NCOA6: variants seen among roughly 807,000 people sequenced by gnomAD.
The protein encoded by NCOA6 is nuclear receptor coactivator 6.
NCOA6 carries 49 observed loss-of-function variants against 171.4 expected under a neutral mutation model. That is an observed-to-expected ratio of 0.29 (90% CI 0.23 to 0.36). The LOEUF (loss-of-function observed/expected upper bound fraction) is 0.36, where lower values mean the gene tolerates loss of function less well. Ranked by LOEUF, NCOA6 falls within the 10% of genes least tolerant of loss-of-function variation. NCOA6 has a pLI of 1.00. For synonymous variants in NCOA6, 910 were observed against 927.5 expected (o/e 0.98, Z 0.34); for missense variants, 2,248 against 2,554.5 (o/e 0.88, Z 2.59).
chr20:34,791,125 T>C (rs1334708415), intron 2 of NCOA6, among the ~76,000 whole-genome samples: 6 of 152,206 alleles, frequency 3.9e-5, no homozygotes, highest in Non-Finnish European at 5.9e-5. Context: ...TGTAGTACAA[T>C]GTGAATCTAC....
chr20:34,727,955 C>T (rs1990170055), intron 13 of NCOA6, among the ~76,000 whole-genome samples: 1 of 152,058 alleles, frequency 6.6e-6, no homozygotes, highest in Non-Finnish European at 1.5e-5. Flanking sequence ...AAACTCCTGA[C>T]CTCAAGTGAT....
rs1249208574 is a variant in NCOA6, at chr20:34,725,454, A to AG, written c.6148+1804_6148+1805insC. Among the ~76,000 whole-genome samples the AG allele has an allele frequency of 6.8e-4, 104 of 152,316 alleles. 2 individuals carry two copies. The highest frequency in any genetic ancestry group is 2.2e-3 in the African/African-American group (92 of 41,560). The stretch of plus-strand genomic sequence containing the variant: ...GAGCACTCCCTGCAGTAGCTGCAAC[A>AG]TATGCACAGGCTTGTGATCAGAGGA... On this transcript the variant is annotated intron_variant, in intron 14 of 14. Coordinates refer to ENST00000359003, the MANE Select transcript of NCOA6 (RefSeq NM_014071.5).
chr20:34,754,655 T>C (rs1600865448), intron 8 of NCOA6, 67 bp downstream of exon 8: 5 of 1,585,794 alleles, frequency 3.2e-6, no homozygotes, highest in Middle Eastern at 1.7e-4. Flanking sequence ...TGTATACTCC[T>C]GTTGTCTATC....
chr20:34,759,029 GTT>G (rs11476500), intron 5 of NCOA6, 96 bp from the exon 6 acceptor site: 4,093 of 1,054,616 alleles, frequency 3.9e-3, no homozygotes, highest in Middle Eastern at 5.6e-3. Flanking sequence ...TGGAAAATTT[GTT>G]TTTTTTTTTT....
At position 34,750,276 on chromosome 20, in the gene NCOA6, C is replaced by T. The variant is rs1486580634; in HGVS notation, c.1919G>A (p.Gly640Glu). The T allele has an allele frequency of 1.9e-6, 3 of 1,611,812 alleles. No homozygotes were observed. Among genetic ancestry groups the T allele is most frequent in the Non-Finnish European group, 1.7e-6 (2 of 1,178,558 alleles). Residue 640 changes from glycine (G) to glutamate (E), a missense_variant, in exon 9 of 15, where the codon GGA (glycine) becomes GAA (glutamate). Physicochemically the swap from Gly to Glu is moderately conservative, Grantham distance 98. Transcript: ENST00000359003. ...CATAGGGTTCTGAGGGTTCAAGGTT[C>T]CTTGTTGCTGGACCATCTGGCCCTG... ...PSQGQMVQQQGTLNPQNPMIL... is the reference protein window; with the variant it reads ...PSQGQMVQQQETLNPQNPMIL...
At chr20:34,755,899 G>C (rs2076627353) in intron 7 of NCOA6, among the ~76,000 whole-genome samples, 1 of 152,076 alleles carries the variant, frequency 6.6e-6, no homozygotes, top group Non-Finnish European at 1.5e-5. Flanking sequence ...ACCACACCCA[G>C]CTAATTTTTG....
intron 1 of NCOA6, among the ~76,000 whole-genome samples, chr20:34,797,608 C>T (rs2078118055): frequency 6.6e-6 from 1 of 151,864 alleles, no homozygotes; most frequent in African/African-American, 2.4e-5. Context: ...AGTAAAGGGG[C>T]CGGGTATGGT....
intron 1 of NCOA6, among the ~76,000 whole-genome samples, chr20:34,811,201 G>GTATGTATATA (rs1244311939): frequency 1.1e-4 from 6 of 53,834 alleles, no homozygotes; most frequent in African/African-American, 3.4e-4. Context: ...ACAACAACGT[G>GTATGTATATA]TATATATATA....
intron 1 of NCOA6, chr20:34,819,955 C>T (rs2078956253): frequency 6.6e-6 from 1 of 152,040 alleles, no homozygotes; most frequent in Non-Finnish European, 1.5e-5. Context: ...GAAAGCAAGC[C>T]CCATTCAATA....
At chr20:34,793,063 A>C (rs1460455137) in intron 1 of NCOA6, among the ~76,000 whole-genome samples, 1 of 152,102 alleles carries the variant, frequency 6.6e-6, no homozygotes, top group Admixed American at 6.6e-5. Context: ...GATTACAAGC[A>C]TGAGCCACTG....
intron 1 of NCOA6, among the ~76,000 whole-genome samples, chr20:34,795,161 G>T (rs990410253): frequency 1.3e-5 from 2 of 152,146 alleles, no homozygotes; most frequent in African/African-American, 4.8e-5. Context: ...AATGATTCAG[G>T]CAAGGACGAT....
At chr20:34,774,870 G>A (rs1447304110) in intron 4 of NCOA6, among the ~76,000 whole-genome samples, 3 of 152,182 alleles carry the variant, frequency 2.0e-5, no homozygotes, top group Non-Finnish European at 4.4e-5. Context: ...AGTCTATGGG[G>A]ATAAAACAAT....
chr20:34,823,700 C>CT (rs572203512), intron 1 of NCOA6, among the ~76,000 whole-genome samples: 127 of 146,232 alleles, frequency 8.7e-4, no homozygotes, highest in East Asian at 9.8e-4. Flanking sequence ...GAGCATCTCT[C>CT]TTTTTTTTTT....
At chr20:34,751,711 T>C (rs962857729) in intron 8 of NCOA6, among the ~76,000 whole-genome samples, 7 of 152,158 alleles carry the variant, frequency 4.6e-5, no homozygotes. Flanking sequence ...ATGTGGCACA[T>C]GTTTTAGTCT....
At chr20:34,779,731 A>G (rs762332068) in intron 3 of NCOA6, among the ~76,000 whole-genome samples, 3 of 152,158 alleles carry the variant, frequency 2.0e-5, no homozygotes, top group Non-Finnish European at 4.4e-5. Flanking sequence ...ATATCTAAGG[A>G]TAGAGGAAAG....
chr20:34,757,281 G>C lies in NCOA6; in HGVS notation c.1467C>G (p.Phe489Leu). Residue 489 changes from phenylalanine to leucine, a missense_variant, in exon 7 of 15, where the codon TTC (phenylalanine) becomes TTG (leucine). Transcript: ENST00000359003. ...MVQQGNVPPN[F>L]MVMQQQPPNQ... ...TTGGTGGTTGCTGCTGCATCACCAT[G>C]AAGTTAGGTGGCACATTTCCCTGTT... The C allele has an allele frequency of 6.2e-7, 1 of 1,613,034 alleles. No homozygotes were observed. The highest frequency in any genetic ancestry group is 8.5e-7 in the Non-Finnish European group (1 of 1,179,400).
In NCOA6 at chr20:34,741,770, CAAG is replaced by C; in HGVS notation, c.4483_4485del (p.Leu1495del). 1 of 1,614,154 alleles carries C rather than the reference CAAG, an allele frequency of 6.2e-7. No individual in the cohort carries two copies. Among genetic ancestry groups the C allele is most frequent in the Non-Finnish European group, 8.5e-7 (1 of 1,180,040 alleles). ...GTCACATTGGGAGCTCCAGAGTTGTCAAGAAGTTGACTTAACGATGTTGGTGCT... is the reference window on the plus strand; with the variant it reads ...GTCACATTGGGAGCTCCAGAGTTGTCAAGTTGACTTAACGATGTTGGTGCT... On this transcript the variant is annotated inframe_deletion, in exon 11 of 15. Transcript: ENST00000359003.
chr20:34,764,784 C>T (rs947519766), intron 5 of NCOA6, among the ~76,000 whole-genome samples: 1 of 151,906 alleles, frequency 6.6e-6, no homozygotes, highest in African/African-American at 2.4e-5. Context: ...GGAATCGCAC[C>T]TGGTTTTTTA....
At chr20:34,759,129 T>C (rs1423135384) in intron 5 of NCOA6, among the ~76,000 whole-genome samples, 196 bp from the exon 6 acceptor site, 1 of 152,040 alleles carries the variant, frequency 6.6e-6, no homozygotes, top group Non-Finnish European at 1.5e-5. Context: ...AAGTGATCCT[T>C]CTGAGTCAGC....
Sources: gnomAD v4.1 joint callset for allele counts (sites outside exome capture counted in the v4.1 genomes callset) on GRCh38, gnomAD v4.1.1 for gene constraint, MANE v1.5 for transcripts, NCBI Gene and HGNC (gene_info 2026-07-23, HGNC 2026-07-21) for gene names.